The following BRCA1 variants were observed in gnomAD, a reference collection of about 807,000 sequenced individuals.
BRCA1 encodes the protein breast cancer type 1 susceptibility protein.
A neutral mutation model predicts 173.7 loss-of-function variants in BRCA1; 140 were observed. That is an observed-to-expected ratio of 0.81 (90% confidence interval 0.70 to 0.93). The LOEUF (loss-of-function observed/expected upper bound fraction) is 0.93, where lower values mean the gene tolerates loss of function less well. Among genes scored for constraint, BRCA1 ranks in the 40% least tolerant of loss-of-function variants. BRCA1 has a pLI of 0.00. For synonymous variants in BRCA1, 662 were observed against 756.0 expected (o/e 0.88, Z 2.04); for missense variants, 1,983 against 2,172.5 (o/e 0.91, Z 1.73).
chr17:43,135,592 G>T (rs1488960200), intron 1 of BRCA1, among the ~76,000 whole-genome samples: 1 of 152,158 alleles, frequency 6.6e-6, no homozygotes, highest in Non-Finnish European at 1.5e-5. Flanking sequence ...CCCATGGTTC[G>T]CAGGTCGCGG....
At chr17:43,088,671 A>G (rs1211620298) in intron 11 of BRCA1, among the ~76,000 whole-genome samples, 1 of 152,214 alleles carries the variant, frequency 6.6e-6, no homozygotes, top group Non-Finnish European at 1.5e-5. Flanking sequence ...TCATTCACTT[A>G]CTAGCAGCTA....
intron 12 of BRCA1, among the ~76,000 whole-genome samples, chr17:43,080,824 G>A (rs757024268): frequency 1.3e-4 from 20 of 151,790 alleles, no homozygotes; most frequent in African/African-American, 4.1e-4. Context: ...GGCTCAGGTC[G>A]GGGAGGATGG....
chr17:43,114,869 C>T (rs1184669225), intron 3 of BRCA1, among the ~76,000 whole-genome samples: 2 of 152,268 alleles, frequency 1.3e-5, no homozygotes, highest in East Asian at 3.9e-4. Flanking sequence ...AAATTACCTA[C>T]TCTACTTTTT....
intron 6 of BRCA1, 31 bp downstream of exon 6, chr17:43,104,086 GAAGAA>G (rs776446166): frequency 1.5e-6 from 1 of 649,888 alleles, no homozygotes; most frequent in African/African-American, 2.4e-5. Flanking sequence ...AAAAAGAAAA[GAAGAA>G]GAAGAAGAAG....
At chr17:43,104,763 T>C (rs2154551044) in intron 5 of BRCA1, 105 bp downstream of exon 5, 1 of 1,007,948 alleles carries the variant, frequency 9.9e-7, no homozygotes, top group Non-Finnish European at 1.6e-6. Context: ...AAAATTAACC[T>C]AGACTAAAAG....
upstream of BRCA1, among the ~76,000 whole-genome samples, chr17:43,130,141 G>A (rs1198897621): frequency 6.6e-6 from 1 of 152,118 alleles, no homozygotes; most frequent in African/African-American, 2.4e-5. Flanking sequence ...ACAGGTTTAT[G>A]GTTCTAATGA....
In BRCA1 at chr17:43,093,625, A is replaced by C. The variant is rs1334848140; in HGVS notation, c.1906T>G (p.Cys636Gly). The C allele has an allele frequency of 6.2e-7, 1 of 1,613,898 alleles. No homozygotes were observed. The highest frequency in any genetic ancestry group is 1.3e-5 in the African/African-American group (1 of 74,866). ...VVSRNLSPPNCTELQIDSCSS... is the reference protein window; with the variant it reads ...VVSRNLSPPNGTELQIDSCSS... ...CAACTATCAATTTGCAATTCAGTAC[A>C]ATTAGGTGGGCTTAGATTTCTACTG... Residue 636 changes from cysteine (C) to glycine (G), a missense_variant, in exon 10 of 23, where the codon TGT becomes GGT. Coordinates refer to ENST00000357654, the MANE Select transcript of BRCA1 (RefSeq NM_007294.4).
At position 43,098,107 on chromosome 17, in the gene BRCA1, C is replaced by T. The variant is rs896153997; in HGVS notation, c.548-818G>A. Among the ~76,000 whole-genome samples, 4 of 151,364 alleles carry T rather than the reference C, an allele frequency of 2.6e-5. No individual in the cohort carries two copies. The East Asian group carries it at 5.8e-4, about 22-fold the overall frequency. On this transcript the variant is annotated intron_variant, in intron 7 of 22. Coordinates refer to ENST00000357654, the MANE Select transcript of BRCA1 (RefSeq NM_007294.4). ...TGGCATGATCATAGCTCACTACAGC[C>T]TCAAACTCCTGGGTTCAATGTATCC...
At position 43,092,633 on chromosome 17, in the gene BRCA1, A is replaced by G. The variant is rs786202249; in HGVS notation, c.2898T>C (p.Ile966=). The change falls in exon 10 of 23, where the codon ATT becomes ATC. Residue 966 remains isoleucine, a synonymous_variant. Coordinates refer to ENST00000357654, the MANE Select transcript of BRCA1 (RefSeq NM_007294.4). ...GTAAAAGTCCATGTTTATTTGGAGT[A>G]ATGAGTCCAGTTTCGTTGCCTCTGA... ...SQFRGNETGL[I]TPNKHGLLQN... 6.2e-7 allele frequency: 1 copy of G among 1,614,116 alleles called. No homozygotes were observed. Among genetic ancestry groups the G allele is most frequent in the Non-Finnish European group, 8.5e-7 (1 of 1,180,006 alleles).
At chr17:43,063,242 A>G (rs1417475635) in intron 18 of BRCA1, 91 bp downstream of exon 18, 5 of 1,065,660 alleles carry the variant, frequency 4.7e-6, no homozygotes, top group Non-Finnish European at 5.8e-6. Context: ...ATTGTTAAGG[A>G]AAGTGGTGCA....
chr17:43,145,304 C>A, intron 1 of BRCA1: 3 of 592,106 alleles, frequency 5.1e-6, no homozygotes, highest in African/African-American at 1.9e-5. Context: ...CCCTTCTTTA[C>A]AATTCAGAGG....
At chr17:43,074,269 C>A in intron 14 of BRCA1, 62 bp downstream of exon 14, 1 of 1,588,144 alleles carries the variant, frequency 6.3e-7, no homozygotes, top group East Asian at 2.2e-5. Flanking sequence ...ACCAGAATAT[C>A]TTTATGTAGG....
rs80356894 is a variant in BRCA1, at chr17:43,091,879, T to C, written c.3652A>G (p.Ser1218Gly). 2.5e-6 allele frequency: 4 copies of C among 1,614,024 alleles called. No homozygotes were observed. The highest frequency in any genetic ancestry group is 3.3e-5 in the Admixed American group (2 of 60,000). Reference sequence around the variant, plus strand: ...AAGCAGGGAAGCTCTTCATCCTCACTAGATAAGTTCTCTTCTGAGGACTCT... The same window carrying C: ...AAGCAGGGAAGCTCTTCATCCTCACCAGATAAGTTCTCTTCTGAGGACTCT... ...KLESSEENLS[S>G]EDEELPCFQH... The change falls in exon 10 of 23, where the codon AGT becomes GGT. Residue 1218 changes from serine to glycine, a missense_variant. By Grantham distance (56) the Ser-to-Gly change is moderately conservative. Coordinates refer to ENST00000357654, the MANE Select transcript of BRCA1 (RefSeq NM_007294.4).
intron 1 of BRCA1, chr17:43,144,320 G>A (rs2056102520): frequency 1.3e-5 from 3 of 239,768 alleles, no homozygotes; most frequent in East Asian, 1.6e-4. Context: ...GAGGGCTTGG[G>A]AAAAAGACAG....
chr17:43,069,426 G>A (rs1475345780), intron 15 of BRCA1, among the ~76,000 whole-genome samples: 2 of 152,240 alleles, frequency 1.3e-5, no homozygotes, highest in Admixed American at 1.3e-4. Flanking sequence ...GCCACTTGTA[G>A]TCTAATCTGC....
At chr17:43,050,535 C>T (rs937320242) in intron 20 of BRCA1, among the ~76,000 whole-genome samples, 3 of 151,454 alleles carry the variant, frequency 2.0e-5, no homozygotes, top group Admixed American at 6.6e-5. Context: ...ATCACTTGAA[C>T]CCGGGAGGTG....
intron 1 of BRCA1, among the ~76,000 whole-genome samples, chr17:43,147,099 G>A (rs1027650202): frequency 1.3e-5 from 2 of 152,112 alleles, no homozygotes; most frequent in Non-Finnish European, 2.9e-5. Context: ...CTGCCTCCTG[G>A]GTTCAAGCAA....
chr17:43,045,180 C>T lies in BRCA1; in HGVS notation c.*498G>A. 3 of 535,606 alleles carry T rather than the reference C, an allele frequency of 5.6e-6. No individual in the cohort carries two copies. Among genetic ancestry groups the T allele is most frequent in the South Asian group, 4.6e-5 (3 of 65,182 alleles). The allele number at this position is 535,606 out of a possible 1,614,324, so 33.2% of individuals were successfully genotyped here. ...GTTCCACTCCAACATTTGAGAACTG[C>T]CCAAGGACTATTCTGACTTTAAGTC... On this transcript the variant is annotated 3_prime_UTR_variant, in exon 23 of 23. Transcript: ENST00000357654.
rs80358052 is a variant in BRCA1 at position 43,097,298 on chromosome 17, T to C, written c.548-9A>G. 4.3e-6 allele frequency: 7 copies of C among 1,611,702 alleles called. No individual in the cohort carries two copies. Among genetic ancestry groups the C allele is most frequent in the Non-Finnish European group, 5.1e-6 (6 of 1,178,314 alleles). ...TTCAGAAGAATCAGATCCTAAAAAA[T>C]TTCCCCCCAAAAAATAAATCAATAA... On this transcript the variant is annotated splice_polypyrimidine_tract_variant and intron_variant, in intron 7 of 22. Transcript: ENST00000357654.
Sources: gnomAD v4.1 joint callset for allele counts (sites outside exome capture counted in the v4.1 genomes callset) on GRCh38, gnomAD v4.1.1 for gene constraint, MANE v1.5 for transcripts, NCBI Gene and HGNC (gene_info 2026-07-23, HGNC 2026-07-21) for gene names.